PSME4: variants seen among roughly 807,000 people sequenced by gnomAD.
The protein encoded by PSME4 is proteasome activator subunit 4.
A neutral mutation model predicts 253.9 loss-of-function variants in PSME4; 89 were observed. The observed-to-expected ratio is 0.35, with a 90% CI of 0.30 to 0.42. The LOEUF (loss-of-function observed/expected upper bound fraction) is 0.42. PSME4 is among the 10% of genes least tolerant of loss of function. The pLI is 1.00. For synonymous variants in PSME4, 851 were observed against 759.2 expected (o/e 1.12, Z -1.99); for missense variants, 2,014 against 2,195.2 (o/e 0.92, Z 1.65).
chr2:53,941,002 A>G (rs1245720210), intron 3 of PSME4, among the ~76,000 whole-genome samples: 1 of 58,528 alleles, frequency 1.7e-5, no homozygotes, highest in African/African-American at 5.0e-5. Flanking sequence ...TATATATATG[A>G]AAGGAGTAAG....
intron 1 of PSME4, among the ~76,000 whole-genome samples, chr2:53,962,181 G>T (rs1670523017): frequency 6.6e-6 from 1 of 152,142 alleles, no homozygotes; most frequent in African/African-American, 2.4e-5. Flanking sequence ...AAGAATGTTT[G>T]CAAGGGTCTT....
intron 20 of PSME4, among the ~76,000 whole-genome samples, chr2:53,912,342 G>C (rs368816293): frequency 6.6e-6 from 1 of 152,146 alleles, no homozygotes; most frequent in Non-Finnish European, 1.5e-5. Context: ...TATCTGGGTA[G>C]TATACATTAC....
intron 43 of PSME4, among the ~76,000 whole-genome samples, chr2:53,871,787 G>T: frequency 6.6e-6 from 1 of 152,092 alleles, no homozygotes. Flanking sequence ...GCCCAGGCGG[G>T]TGGATCACCT....
At position 53,931,980 on chromosome 2, in the gene PSME4, G is replaced by T; in HGVS notation, c.1171C>A (p.Gln391Lys). 6.2e-7 allele frequency: 1 copy of T among 1,614,074 alleles called. No individual in the cohort carries two copies. Among genetic ancestry groups the T allele is most frequent in the Admixed American group, 1.7e-5 (1 of 60,010 alleles). The change falls in exon 10 of 47, where the codon CAA (glutamine) becomes AAA (lysine). Residue 391 changes from glutamine (Q) to lysine (K), a missense_variant. Gln to Lys is a moderately conservative substitution (Grantham distance 53). This residue lies in a region of PSME4 where 615 missense variants were observed against 594.4 expected (regional missense o/e 1.03). Transcript: ENST00000404125. ...PVPDSHKLTD[Q>K]DVTDFVQCII... Reference sequence around the variant, plus strand: ...CATTGTACAAAGTCTGTAACATCTTGATCAGTAAGCTTGTGGCTATCAGGC... The same window carrying T: ...CATTGTACAAAGTCTGTAACATCTTTATCAGTAAGCTTGTGGCTATCAGGC...
At chr2:53,947,340 G>A (rs577570330) in intron 3 of PSME4, among the ~76,000 whole-genome samples, 1 of 152,166 alleles carries the variant, frequency 6.6e-6, no homozygotes, top group East Asian at 1.9e-4. Flanking sequence ...AACTGCAGAA[G>A]TCTTTAAAGA....
At chr2:53,905,415 A>AG (rs1414175647) in intron 26 of PSME4, among the ~76,000 whole-genome samples, 19 of 152,246 alleles carry the variant, frequency 1.2e-4, no homozygotes, top group African/African-American at 4.1e-4. Context: ...TAAAATGTTC[A>AG]GGTAGCCGGG....
chr2:53,920,905 T>G lies in PSME4; in HGVS notation c.2246A>C (p.Glu749Ala). ...VPGGFDKPPSEYFPIKDWGKP... is the reference protein window; with the variant it reads ...VPGGFDKPPSAYFPIKDWGKP... ...AATGCTTGCCTTGATAGGAAAGTAT[T>G]CAGAAGGAGGCTTGTCAAAGCCACC... is the stretch of plus-strand genomic sequence containing the variant. The change falls in exon 18 of 47, where the codon GAA becomes GCA. Residue 749 changes from glutamate (E) to alanine (A), a missense_variant. Glu to Ala is a moderately radical substitution (Grantham distance 107). Coordinates refer to ENST00000404125, the MANE Select transcript of PSME4 (RefSeq NM_014614.3). 1 of 1,605,004 alleles carries G rather than the reference T, an allele frequency of 6.2e-7. No homozygotes were observed. Among genetic ancestry groups the G allele is most frequent in the South Asian group, 1.1e-5 (1 of 90,800 alleles).
intron 46 of PSME4, 137 bp downstream of exon 46, chr2:53,865,948 T>A (rs1678544295): frequency 1.0e-6 from 1 of 952,738 alleles, no homozygotes; most frequent in Admixed American, 3.2e-5. Flanking sequence ...AAAAGCCATG[T>A]TTAAAAACAA....
At chr2:53,873,923 A>G (rs1414091442) in intron 43 of PSME4, among the ~76,000 whole-genome samples, 1 of 152,148 alleles carries the variant, frequency 6.6e-6, no homozygotes, top group Non-Finnish European at 1.5e-5. Flanking sequence ...TGATTAGGGT[A>G]TCAAAATTAC....
At chr2:53,953,475 C>T (rs1444067967) in intron 1 of PSME4, among the ~76,000 whole-genome samples, 15 of 115,598 alleles carry the variant, frequency 1.3e-4, no homozygotes, top group Admixed American at 4.2e-4. Flanking sequence ...CATGGTGAAA[C>T]CCCATGTCTA....
chr2:53,911,044 G>A (rs1667807871), intron 20 of PSME4, among the ~76,000 whole-genome samples: 1 of 152,076 alleles, frequency 6.6e-6, no homozygotes, highest in Non-Finnish European at 1.5e-5. Flanking sequence ...CACATCCCCA[G>A]CTATATTGTA....
Position 53,962,002 on chromosome 2 carries a change from G to A in PSME4, c.242+8541C>T, listed in dbSNP as rs537545647. Among the ~76,000 whole-genome samples, 31 of 152,334 alleles carry A rather than the reference G, an allele frequency of 2.0e-4. No homozygotes were observed. The East Asian group carries it at 3.1e-3, about 15-fold the overall frequency. ...GAACAAAGGAAGGAGGAAGTAACTT[G>A]TGGAATGCTGAGAAAGATAAAAACA... On this transcript the variant is annotated intron_variant, in intron 1 of 46. Coordinates refer to ENST00000404125, the MANE Select transcript of PSME4 (RefSeq NM_014614.3).
intron 2 of PSME4, 29 bp downstream of exon 2, chr2:53,949,114 T>G (rs142078986): frequency 6.4e-7 from 1 of 1,553,266 alleles, no homozygotes; most frequent in Non-Finnish European, 8.7e-7. Flanking sequence ...CAAACAAACC[T>G]TAACAGAAAC....
At chr2:53,930,401 G>A (rs1668768450) in intron 10 of PSME4, among the ~76,000 whole-genome samples, 1 of 152,104 alleles carries the variant, frequency 6.6e-6, no homozygotes, top group South Asian at 2.1e-4. Flanking sequence ...CCTCTCCAGG[G>A]AGCATCAGGG....
intron 36 of PSME4, among the ~76,000 whole-genome samples, chr2:53,891,465 T>C (rs557969476): frequency 1.3e-5 from 2 of 152,334 alleles, no homozygotes; most frequent in Admixed American, 6.5e-5. Context: ...CATTACACAT[T>C]GTGTGCATGT....
At position 53,926,035 on chromosome 2, in the gene PSME4, C is replaced by G; in HGVS notation, c.1594-12G>C. 6.2e-7 allele frequency: 1 copy of G among 1,603,094 alleles called. No individual in the cohort carries two copies. Among genetic ancestry groups the G allele is most frequent in the Non-Finnish European group, 8.5e-7 (1 of 1,170,450 alleles). ...AGTTCTCGTTCCACCTATAATATCC[C>G]AATATGGAGAAAGATTACATATAGC... On this transcript the variant is annotated splice_polypyrimidine_tract_variant and intron_variant, in intron 12 of 46. Transcript: ENST00000404125.
chr2:53,892,046 T>A (rs924339679), intron 36 of PSME4, among the ~76,000 whole-genome samples: 1 of 152,074 alleles, frequency 6.6e-6, no homozygotes, highest in Admixed American at 6.6e-5. Flanking sequence ...AAAGAACATA[T>A]AGGGATAGGA....
chr2:53,867,321 G>A (rs760222070), intron 44 of PSME4, among the ~76,000 whole-genome samples: 2 of 151,966 alleles, frequency 1.3e-5, no homozygotes, highest in Admixed American at 1.3e-4. Flanking sequence ...CTTGGCCAAC[G>A]TGGCGAAACC....
rs1216685262 is a variant in PSME4 at position 53,875,770 on chromosome 2, A to G, written c.4816-15T>C. 1 of 1,605,550 alleles carries G rather than the reference A, an allele frequency of 6.2e-7. No homozygotes were observed. Among genetic ancestry groups the G allele is most frequent in the South Asian group, 1.1e-5 (1 of 89,592 alleles). The stretch of plus-strand genomic sequence containing the variant: ...ACTGGGGCAATCTAAAAAACAATGT[A>G]AAAAGGACAAAAATGGAAAAATAAT... On this transcript the variant is annotated splice_polypyrimidine_tract_variant and intron_variant, in intron 41 of 46. Coordinates refer to ENST00000404125, the MANE Select transcript of PSME4 (RefSeq NM_014614.3).
Sources: allele counts gnomAD v4.1 joint callset (sites outside exome capture counted in the v4.1 genomes callset), GRCh38; gene constraint gnomAD v4.1.1; regional missense constraint gnomAD v4.1.1; transcripts MANE v1.5; gene names NCBI Gene and HGNC (gene_info 2026-07-23, HGNC 2026-07-21).